The following SENP1 variants were observed in gnomAD, a reference collection of about 807,000 sequenced individuals.
SENP1 encodes the protein sentrin-specific protease 1.
Under a neutral mutation model 93.0 loss-of-function variants are expected in SENP1, and 21 were observed. The observed-to-expected ratio is 0.23, with a 90% CI of 0.16 to 0.33. The LOEUF (loss-of-function observed/expected upper bound fraction) is 0.33, where lower values mean the gene tolerates loss of function less well. SENP1 is among the 10% of genes least tolerant of loss of function. The probability of loss-of-function intolerance (pLI) is 1.00; values close to 1 mark genes in which losing one functional copy is unlikely to be tolerated. For synonymous variants in SENP1, 256 were observed against 259.6 expected (o/e 0.99, Z 0.13); for missense variants, 591 against 758.7 (o/e 0.78, Z 2.60).
chr12:48,068,948 T>C (rs1943479425), intron 9 of SENP1, among the ~76,000 whole-genome samples: 1 of 150,142 alleles, frequency 6.7e-6, no homozygotes, highest in African/African-American at 2.4e-5. Context: ...AGGTCAGGAG[T>C]TCGAGACCAG....
At chr12:48,047,810 T>G (rs11168373) in intron 15 of SENP1, among the ~76,000 whole-genome samples, 191 bp downstream of exon 15, 1 of 152,106 alleles carries the variant, frequency 6.6e-6, no homozygotes, top group African/African-American at 2.4e-5. Flanking sequence ...AGGATAGTAA[T>G]TGCTCCCATT....
chr12:48,082,943 T>C (rs1944589601), intron 6 of SENP1, among the ~76,000 whole-genome samples: 1 of 152,204 alleles, frequency 6.6e-6, no homozygotes, highest in Non-Finnish European at 1.5e-5. Context: ...CTCACTCTGA[T>C]GCCCAGGCTG....
rs1274583639 is a variant in SENP1, at chr12:48,066,811, C to CTAAACAG, written c.1034+109_1034+115dup. The CTAAACAG allele has an allele frequency of 8.4e-6, 7 of 833,830 alleles. No individual in the cohort carries two copies. In the East Asian group the frequency reaches 1.9e-4, roughly 23 times the overall value. The allele number at this position is 833,830 out of a possible 1,614,324, so 51.7% of individuals were successfully genotyped here. A position where few individuals can be genotyped will look rare whatever the true frequency, so the allele number is the denominator to read the frequency against. The stretch of plus-strand genomic sequence containing the variant: ...ACAGGCGTGAGCCACCGCGCCCAGC[C>CTAAACAG]TAAACAGGTACTTCTTATTGGCAAA... On this transcript the variant is annotated intron_variant, in intron 10 of 17. Coordinates refer to ENST00000549518, the MANE Select transcript of SENP1 (RefSeq NM_001267594.2).
Position 48,048,233 on chromosome 12 carries a change from G to A in SENP1, c.1612-153C>T, listed in dbSNP as rs114299676. Among the ~76,000 whole-genome samples the A allele has an allele frequency of 1.9e-3, 291 of 152,158 alleles. 1 individual carries two copies. Among genetic ancestry groups the A allele is most frequent in the African/African-American group, 6.8e-3 (281 of 41,506 alleles). On this transcript the variant is annotated intron_variant, in intron 14 of 17. Coordinates refer to ENST00000549518, the MANE Select transcript of SENP1 (RefSeq NM_001267594.2). ...TTTTGCATTATATTATGCTTAATCT[G>A]TAGAGAAAAAAAATGAAGGGTTATT...
At chr12:48,101,748 C>T (rs1365069522) in intron 1 of SENP1, among the ~76,000 whole-genome samples, 1 of 152,208 alleles carries the variant, frequency 6.6e-6, no homozygotes, top group Non-Finnish European at 1.5e-5. Context: ...AGACTACGCA[C>T]AGAATCACAG....
intron 2 of SENP1, among the ~76,000 whole-genome samples, chr12:48,100,922 C>T (rs1269636973): frequency 6.6e-6 from 1 of 152,210 alleles, no homozygotes; most frequent in Non-Finnish European, 1.5e-5. Flanking sequence ...CTAGGGTATA[C>T]TTAACTTTTT....
chr12:48,059,639 T>C (rs148264406), intron 13 of SENP1, among the ~76,000 whole-genome samples: 3 of 152,310 alleles, frequency 2.0e-5, no homozygotes, highest in East Asian at 1.9e-4. Flanking sequence ...TCATTTCTAG[T>C]TGGATGCTGG....
At chr12:48,054,922 T>A (rs761945444) in intron 13 of SENP1, 8 of 196,822 alleles carry the variant, frequency 4.1e-5, no homozygotes, top group Non-Finnish European at 8.7e-5. Context: ...AATATATACA[T>A]TTTTAAAAAC....
chr12:48,043,297 A>C lies in SENP1; in HGVS notation c.*2025T>G, dbSNP rs1163659009. 2 of 152,672 alleles carry C rather than the reference A, an allele frequency of 1.3e-5. No homozygotes were observed. The highest frequency in any genetic ancestry group is 1.9e-4 in the East Asian group (1 of 5,202). 9.5% of individuals were successfully genotyped at this position (152,672 alleles called of 1,614,324 possible). On this transcript the variant is annotated 3_prime_UTR_variant, in exon 18 of 18. Coordinates refer to ENST00000549518, the MANE Select transcript of SENP1 (RefSeq NM_001267594.2). ...AATATTTGTTGCTTTGGTCTGTACA[A>C]AGTCTGTGAGGAAGGTAAGACAGAT...
intron 2 of SENP1, among the ~76,000 whole-genome samples, chr12:48,099,857 A>G (rs1592489555): frequency 1.3e-5 from 2 of 152,214 alleles, no homozygotes; most frequent in South Asian, 4.1e-4. Flanking sequence ...GCATAATTTT[A>G]TTCATATTGC....
At chr12:48,058,399 ATTTGTTCTT>A (rs1184859759) in intron 13 of SENP1, among the ~76,000 whole-genome samples, 18 of 151,770 alleles carry the variant, frequency 1.2e-4, no homozygotes, top group African/African-American at 4.1e-4. Context: ...TATTTGTTCT[ATTTGTTCTT>A]TTTATCTTTT....
At chr12:48,105,722 G>C (rs1423915738) in intron 1 of SENP1, 6 of 506,464 alleles carry the variant, frequency 1.2e-5, no homozygotes, top group African/African-American at 1.9e-5. Flanking sequence ...CCCCAAGTAC[G>C]GCTGGGCGCT....
Position 48,063,695 on chromosome 12 carries a change from T to C in SENP1, c.1407+15A>G, listed in dbSNP as rs771941322. 1.4e-5 allele frequency: 22 copies of C among 1,600,076 alleles called. No individual in the cohort carries two copies. Among genetic ancestry groups the C allele is most frequent in the Admixed American group, 8.6e-5 (5 of 57,942 alleles). On this transcript the variant is annotated intron_variant, in intron 13 of 17. Transcript: ENST00000549518. ...AATGTTTACTATTTGTATGTAAAAA[T>C]AGATGCAACATTACCTCATCATTGA...
intron 4 of SENP1, 51 bp from the exon 5 acceptor site, chr12:48,089,011 C>A: frequency 6.4e-7 from 1 of 1,563,284 alleles, no homozygotes; most frequent in Non-Finnish European, 8.7e-7. Flanking sequence ...AGGTGGTTCT[C>A]CTTATGACTG....
intron 9 of SENP1, among the ~76,000 whole-genome samples, chr12:48,070,706 G>A (rs959963444): frequency 6.6e-6 from 1 of 152,164 alleles, no homozygotes; most frequent in Non-Finnish European, 1.5e-5. Context: ...CACCCTTGAA[G>A]GAGGTTAACA....
intron 2 of SENP1, among the ~76,000 whole-genome samples, chr12:48,098,427 G>A (rs1238366339): frequency 1.3e-5 from 2 of 151,734 alleles, no homozygotes; most frequent in East Asian, 1.9e-4. Flanking sequence ...GGTGGATCAC[G>A]GGGTCAGGAG....
chr12:48,049,029 GC>G lies in SENP1; in HGVS notation c.1510del (p.Ala504LeufsTer6). ...CCAACGTTTCACTGCCTGATAACCA[GC>G]CGTTTTTAATTTAGTGAAGAAAAAG... ...NTFFFTKLKT[A>X]GYQAVKRWTK... On this transcript the variant is annotated frameshift_variant, in exon 14 of 18. Coordinates refer to ENST00000549518, the MANE Select transcript of SENP1 (RefSeq NM_001267594.2). LOFTEE classifies it high-confidence loss of function. 1 of 1,613,754 alleles carries G rather than the reference GC, an allele frequency of 6.2e-7. No homozygotes were observed. The highest frequency in any genetic ancestry group is 8.5e-7 in the Non-Finnish European group (1 of 1,179,716).
At chr12:48,050,099 ATACT>A (rs1330358741) in intron 13 of SENP1, among the ~76,000 whole-genome samples, 2 of 152,202 alleles carry the variant, frequency 1.3e-5, no homozygotes, top group Non-Finnish European at 2.9e-5. Context: ...AAGTTACTGC[ATACT>A]TACTTTATGT....
At chr12:48,101,430 G>T in intron 2 of SENP1, 39 bp downstream of exon 2, 1 of 1,546,044 alleles carries the variant, frequency 6.5e-7, no homozygotes, top group Non-Finnish European at 8.8e-7. Context: ...CTTAACCAAT[G>T]AAAGTAGCTA....
Sources: allele counts gnomAD v4.1 joint callset (sites outside exome capture counted in the v4.1 genomes callset), GRCh38; gene constraint gnomAD v4.1.1; transcripts MANE v1.5; gene names NCBI Gene and HGNC (gene_info 2026-07-23, HGNC 2026-07-21).